BRPF1: variants seen among roughly 807,000 people sequenced by gnomAD.
The protein encoded by BRPF1 is bromodomain and PHD finger containing 1, also known as peregrin.
BRPF1 carries 15 observed loss-of-function variants against 115.0 expected under a neutral mutation model. That is an observed-to-expected ratio of 0.13 (90% CI 0.09 to 0.20). BRPF1 has a LOEUF of 0.20. Among genes scored for constraint, BRPF1 ranks in the 10% least tolerant of loss-of-function variants. BRPF1 has a pLI of 1.00. For synonymous variants in BRPF1, 647 were observed against 619.8 expected, an observed-to-expected ratio of 1.04 and a Z score of -0.65; for missense variants, 1,118 against 1,638.3, an observed-to-expected ratio of 0.68 and a Z score of 5.48.
intron 9 of BRPF1, 28 bp downstream of exon 9, chr3:9,744,536 AAG>A: frequency 1.4e-6 from 2 of 1,458,104 alleles, no homozygotes; most frequent in Non-Finnish European, 1.8e-6. Flanking sequence ...CCAGCCCCCC[AAG>A]AGAGTGAGCA....
At chr3:9,741,985 C>T in intron 5 of BRPF1, 40 bp from the exon 6 acceptor site, 1 of 1,610,404 alleles carries the variant, frequency 6.2e-7, no homozygotes, top group Non-Finnish European at 8.5e-7. Context: ...TGCCACTGAA[C>T]TGGCCGAGGC....
intron 3 of BRPF1, among the ~76,000 whole-genome samples, chr3:9,740,308 G>A (rs1208624813): frequency 6.6e-6 from 1 of 152,186 alleles, no homozygotes; most frequent in Admixed American, 6.5e-5. Flanking sequence ...TGAAAAGCGG[G>A]GAAGGGGAAG....
rs1304530212 is a variant in BRPF1 at position 9,739,076 on chromosome 3, A to G, written c.677A>G (p.Asp226Gly). 1 of 1,613,278 alleles carries G rather than the reference A, an allele frequency of 6.2e-7. No individual in the cohort carries two copies. The highest frequency in any genetic ancestry group is 1.3e-5 in the African/African-American group (1 of 74,934). Reference sequence around the variant, plus strand: ...GACGAGGAGGACTACATCTGGCTGGATATCATGAATGAGCGTCGGAAGACA... The same window carrying G: ...GACGAGGAGGACTACATCTGGCTGGGTATCATGAATGAGCGTCGGAAGACA... ...DMDEEDYIWL[D>G]IMNERRKTEG... is the part of the protein sequence containing the mutation. The change falls in exon 3 of 14, where the codon GAT becomes GGT. Residue 226 changes from aspartate (D) to glycine (G), a missense_variant. This residue lies in a region of BRPF1 where 280 missense variants were observed against 382.8 expected (regional missense o/e 0.73). Transcript: ENST00000383829.
Position 9,739,968 on chromosome 3 carries a change from G to C in BRPF1, c.1559+10G>C, listed in dbSNP as rs779536175. The C allele has an allele frequency of 6.4e-7, 1 of 1,554,458 alleles. No homozygotes were observed. Among genetic ancestry groups the C allele is most frequent in the African/African-American group, 1.4e-5 (1 of 74,012 alleles). Reference sequence around the variant, plus strand: ...GCATCCCACCACACAGGTATGTGGGGAGCCGGTGGACAGGCAGATGAGGGA... The same window carrying C: ...GCATCCCACCACACAGGTATGTGGGCAGCCGGTGGACAGGCAGATGAGGGA... On this transcript the variant is annotated intron_variant, in intron 3 of 13. Coordinates refer to ENST00000383829, the MANE Select transcript of BRPF1 (RefSeq NM_001003694.2).
chr3:9,747,550 A>G lies in BRPF1; in HGVS notation c.*201A>G. The G allele has an allele frequency of 1.9e-6, 1 of 528,938 alleles. No individual in the cohort carries two copies. Among genetic ancestry groups the G allele is most frequent in the Non-Finnish European group, 3.3e-6 (1 of 305,924 alleles). The allele number at this position is 528,938 out of a possible 1,614,324, so 32.8% of individuals were successfully genotyped here. A position where few individuals can be genotyped will look rare whatever the true frequency, so the allele number is the denominator to read the frequency against. ...ACACTCCAAGGGCCAATGGCAGTTC[A>G]GCGCAAGGAGAGGGAGGGCCCACAG... On this transcript the variant is annotated 3_prime_UTR_variant, in exon 14 of 14. Coordinates refer to ENST00000383829, the MANE Select transcript of BRPF1 (RefSeq NM_001003694.2). This position sits in a 1 kb window ranked among gnomAD's most constrained non-coding sequence, Gnocchi z 5.6.
In BRPF1 at chr3:9,734,807, G is replaced by A. The variant is rs1173960103; in HGVS notation, c.599+68G>A. 1.3e-6 allele frequency: 2 copies of A among 1,553,650 alleles called. No individual in the cohort carries two copies. The highest frequency in any genetic ancestry group is 1.8e-6 in the Non-Finnish European group (2 of 1,136,122). On this transcript the variant is annotated intron_variant, in intron 2 of 13. Coordinates refer to ENST00000383829, the MANE Select transcript of BRPF1 (RefSeq NM_001003694.2). This position sits in a 1 kb window ranked among gnomAD's most constrained non-coding sequence, Gnocchi z 5.7. Reference sequence around the variant, plus strand: ...CAGGGCTCACTAGCCAGAGAGAGGTGAGAGGCACAGATAGAAGAGTGACAG... The same window carrying A: ...CAGGGCTCACTAGCCAGAGAGAGGTAAGAGGCACAGATAGAAGAGTGACAG...
chr3:9,739,822 G>T lies in BRPF1; in HGVS notation c.1423G>T (p.Gly475Cys). The change falls in exon 3 of 14, where the codon GGT becomes TGT. Residue 475 changes from glycine to cysteine, a missense_variant. By Grantham distance (159) the Gly-to-Cys change is radical. This residue lies in a region of BRPF1 where 87 missense variants were observed against 93.4 expected (regional missense o/e 0.93). Coordinates refer to ENST00000383829, the MANE Select transcript of BRPF1 (RefSeq NM_001003694.2). ...GGATGAAGATGAGGAGGAGGATGAG[G>T]GTAAGGGCTGGAGCTCAGAGAAAGT... ...EEDEDEEEDEGKGWSSEKVKK... is the reference protein window; with the variant it reads ...EEDEDEEEDECKGWSSEKVKK... 1.2e-6 allele frequency: 2 copies of T among 1,605,330 alleles called. No homozygotes were observed. Among genetic ancestry groups the T allele is most frequent in the Non-Finnish European group, 1.7e-6 (2 of 1,175,784 alleles).
In BRPF1 at chr3:9,739,371, C is replaced by G. The variant is rs762593544; in HGVS notation, c.972C>G (p.Pro324=). 6.2e-7 allele frequency: 1 copy of G among 1,614,198 alleles called. No individual in the cohort carries two copies. The highest frequency in any genetic ancestry group is 1.1e-5 in the South Asian group (1 of 91,082). ...TGTGCCGCCGTTGCCTGCAGTCACC[C>G]TCTCGTGCTGTGGATTGTGCCCTGT... ...QWLCRRCLQS[P]SRAVDCALCP... is the part of the protein sequence containing the mutation. Residue 324 remains proline, a synonymous_variant, in exon 3 of 14, where the codon CCC becomes CCG. Coordinates refer to ENST00000383829, the MANE Select transcript of BRPF1 (RefSeq NM_001003694.2).
intron 3 of BRPF1, among the ~76,000 whole-genome samples, chr3:9,740,373 A>AT (rs2077009116): frequency 6.6e-6 from 1 of 152,140 alleles, no homozygotes; most frequent in Non-Finnish European, 1.5e-5. Flanking sequence ...ATGGCCAGGG[A>AT]TTTTTTTAGT....
At position 9,743,861 on chromosome 3, in the gene BRPF1, T is replaced by C. The variant is rs780199154; in HGVS notation, c.2595T>C (p.Asp865=). ...PAACDKDGQT[D]SAAEESSSQE... ...CCTGTGACAAGGATGGGCAGACAGA[T>C]AGTGCGGCAGAGGAGAGCAGCAGCC... The change falls in exon 8 of 14, where the codon GAT becomes GAC. Residue 865 remains aspartate, a synonymous_variant. Coordinates refer to ENST00000383829, the MANE Select transcript of BRPF1 (RefSeq NM_001003694.2). The surrounding 1 kb of genome is among the most constrained non-coding windows in gnomAD (Gnocchi z 6.1). The C allele has an allele frequency of 2.6e-5, 41 of 1,600,674 alleles. No individual in the cohort carries two copies. Among genetic ancestry groups the C allele is most frequent in the Non-Finnish European group, 3.2e-5 (38 of 1,170,534 alleles).
rs1268116254 is a variant in BRPF1 at position 9,738,985 on chromosome 3, T to C, written c.600-14T>C. 1 of 1,536,236 alleles carries C rather than the reference T, an allele frequency of 6.5e-7. No individual in the cohort carries two copies. The highest frequency in any genetic ancestry group is 2.1e-5 in the Admixed American group (1 of 48,102). ...CTCAACCATGTGATGCTGAGTTCCC[T>C]GTTTGTACCGTAGGTACATCGAGAA... On this transcript the variant is annotated splice_polypyrimidine_tract_variant and intron_variant, in intron 2 of 13. Transcript: ENST00000383829.
In BRPF1 at chr3:9,734,843, T is replaced by C. The variant is rs1253171039; in HGVS notation, c.599+104T>C. The C allele has an allele frequency of 7.0e-7, 1 of 1,422,932 alleles. No homozygotes were observed. Among genetic ancestry groups the C allele is most frequent in the East Asian group, 2.3e-5 (1 of 43,568 alleles). The allele number at this position is 1,422,932 out of a possible 1,614,324, so 88.1% of individuals were successfully genotyped here. A position where few individuals can be genotyped will look rare whatever the true frequency, so the allele number is the denominator to read the frequency against. On this transcript the variant is annotated intron_variant, in intron 2 of 13. Transcript: ENST00000383829. The surrounding 1 kb of genome is among the most constrained non-coding windows in gnomAD (Gnocchi z 5.7). ...ATAGAAGAGTGACAGGAATAAAGAATAGTGAAAGAACACTGATTTTGCCAG... is the reference window on the plus strand; with the variant it reads ...ATAGAAGAGTGACAGGAATAAAGAACAGTGAAAGAACACTGATTTTGCCAG...
rs746954850 is a variant in BRPF1, at chr3:9,738,995, G to A, written c.600-4G>A. 8 of 1,552,110 alleles carry A rather than the reference G, an allele frequency of 5.2e-6. No individual in the cohort carries two copies. In the East Asian group the frequency reaches 6.8e-5, roughly 13 times the overall value. On this transcript the variant is annotated splice_region_variant and splice_polypyrimidine_tract_variant and intron_variant, in intron 2 of 13. Transcript: ENST00000383829. The stretch of plus-strand genomic sequence containing the variant: ...TGATGCTGAGTTCCCTGTTTGTACC[G>A]TAGGTACATCGAGAAGTCTGCAGAG...
chr3:9,733,052 GTA>G (rs2076881861), intron 1 of BRPF1: 1 of 152,244 alleles, frequency 6.6e-6, no homozygotes, highest in Non-Finnish European at 1.5e-5. Context: ...GTTCGTGTTT[GTA>G]CCCTTAGGGC....
chr3:9,745,281 C>T lies in BRPF1; in HGVS notation c.3068+126C>T. On this transcript the variant is annotated intron_variant, in intron 10 of 13. Coordinates refer to ENST00000383829, the MANE Select transcript of BRPF1 (RefSeq NM_001003694.2). The surrounding 1 kb of genome is among the most constrained non-coding windows in gnomAD (Gnocchi z 5.1). ...AGTCTAGATTAAGATGGCTCAAACT[C>T]AAGGTTCTCTGCTAAATAAATAAAT... 1.7e-6 allele frequency: 2 copies of T among 1,181,480 alleles called. No individual in the cohort carries two copies. Among genetic ancestry groups the T allele is most frequent in the Admixed American group, 2.8e-5 (1 of 35,176 alleles). The allele number at this position is 1,181,480 out of a possible 1,614,324, so 73.2% of individuals were successfully genotyped here.
At position 9,731,767 on chromosome 3, in the gene BRPF1, C is replaced by T. The variant is rs2076854369; in HGVS notation, c.-382C>T. ...GCAGACGCCGTCGCCGCCGCTGCTG[C>T]CGCCGCCGCTGCCACAGCCTTTGCC... On this transcript the variant is annotated 5_prime_UTR_variant, in exon 1 of 14. Transcript: ENST00000383829. 1 of 157,476 alleles carries T rather than the reference C, an allele frequency of 6.4e-6. No homozygotes were observed. Among genetic ancestry groups the T allele is most frequent in the Non-Finnish European group, 1.4e-5 (1 of 71,758 alleles). 9.8% of individuals were successfully genotyped at this position (157,476 alleles called of 1,614,324 possible). A position where few individuals can be genotyped will look rare whatever the true frequency, so the allele number is the denominator to read the frequency against.
At chr3:9,742,426 G>A (rs746017298) in intron 6 of BRPF1, 42 of 985,320 alleles carry the variant, frequency 4.3e-5, no homozygotes, top group Non-Finnish European at 4.9e-5. Flanking sequence ...TAATCCCAGG[G>A]CAGGAAGACA....
chr3:9,734,048 G>A lies in BRPF1; in HGVS notation c.-10-83G>A. The A allele has an allele frequency of 6.6e-7, 1 of 1,508,352 alleles. No homozygotes were observed. Among genetic ancestry groups the A allele is most frequent in the South Asian group, 1.3e-5 (1 of 74,216 alleles). 93.4% of individuals were successfully genotyped at this position (1,508,352 alleles called of 1,614,324 possible). A position where few individuals can be genotyped will look rare whatever the true frequency, so the allele number is the denominator to read the frequency against. ...GAATCTGGTGACTCCAAGTGAGGGGGAGGGCTAGAAAGACTGGGGTCTCTG... is the reference window on the plus strand; with the variant it reads ...GAATCTGGTGACTCCAAGTGAGGGGAAGGGCTAGAAAGACTGGGGTCTCTG... On this transcript the variant is annotated intron_variant, in intron 1 of 13. Transcript: ENST00000383829. This position sits in a 1 kb window ranked among gnomAD's most constrained non-coding sequence, Gnocchi z 5.7.
rs1211209931 is a variant in BRPF1, at chr3:9,745,842, G to A, written c.3236G>A (p.Gly1079Asp). 1 of 1,614,010 alleles carries A rather than the reference G, an allele frequency of 6.2e-7. No homozygotes were observed. The highest frequency in any genetic ancestry group is 8.5e-7 in the Non-Finnish European group (1 of 1,180,022). The part of the protein sequence containing the change: ...MVRKSLGRGA[G>D]WLSEDEDSPL... ...AGGAAGAGTCTGGGCCGGGGAGCTGGCTGGCTGTCAGAGGATGAGGACTCC... is the reference window on the plus strand; with the variant it reads ...AGGAAGAGTCTGGGCCGGGGAGCTGACTGGCTGTCAGAGGATGAGGACTCC... The change falls in exon 12 of 14, where the codon GGC becomes GAC. Residue 1079 changes from glycine (G) to aspartate (D), a missense_variant. Transcript: ENST00000383829. This position sits in a 1 kb window ranked among gnomAD's most constrained non-coding sequence, Gnocchi z 5.1.
Sources: gnomAD v4.1 joint callset for allele counts (sites outside exome capture counted in the v4.1 genomes callset) on GRCh38, gnomAD v4.1.1 for gene constraint, gnomAD v4.1.1 regional missense constraint, Gnocchi (gnomAD v3.1) non-coding constraint, MANE v1.5 for transcripts, NCBI Gene and HGNC (gene_info 2026-07-23, HGNC 2026-07-21) for gene names.